Variants in MMS19 observed in about 807,000 individuals in gnomAD.
MMS19 encodes MMS19 nucleotide excision repair protein homolog.
Under a neutral mutation model 129.8 loss-of-function variants are expected in MMS19, and 77 were observed. The observed-to-expected ratio is 0.59, with a 90% CI of 0.49 to 0.72. The LOEUF (loss-of-function observed/expected upper bound fraction) is 0.72. Ranked by LOEUF, MMS19 falls within the 30% of genes least tolerant of loss-of-function variation. The pLI is 0.00. For missense variants in MMS19, 1,168 were observed against 1,266.3 expected (o/e 0.92, Z 1.18); for synonymous variants, 491 against 502.8 (o/e 0.98, Z 0.31).
intron 28 of MMS19, 22 bp downstream of exon 28, chr10:97,459,340 G>A: frequency 6.2e-7 from 1 of 1,610,034 alleles, no homozygotes; most frequent in African/African-American, 1.3e-5. Flanking sequence ...TGGTGCCTAA[G>A]AGTTGCTGGG....
chr10:97,461,162 A>G (rs895450855), intron 23 of MMS19, 155 bp from the exon 24 acceptor site: 4 of 647,964 alleles, frequency 6.2e-6, no homozygotes, highest in Non-Finnish European at 1.1e-5. Context: ...CACCTGCATA[A>G]GAGCCTGGTA....
At chr10:97,459,618 A>T in intron 27 of MMS19, 41 bp downstream of exon 27, 1 of 1,600,636 alleles carries the variant, frequency 6.2e-7, no homozygotes. Context: ...GGGGAAGAAT[A>T]GCTTTGTCCT....
At chr10:97,483,154 G>A (rs1479973634) in intron 2 of MMS19, among the ~76,000 whole-genome samples, 1 of 151,638 alleles carries the variant, frequency 6.6e-6, no homozygotes, top group Non-Finnish European at 1.5e-5. Flanking sequence ...CCAGACTCCA[G>A]TGATCCTCCC....
At chr10:97,472,867 A>G (rs1388263583) in intron 8 of MMS19, among the ~76,000 whole-genome samples, 1 of 152,016 alleles carries the variant, frequency 6.6e-6, no homozygotes, top group African/African-American at 2.4e-5. Context: ...TCAGCCTCCC[A>G]AAGTAGCGGG....
upstream of MMS19, chr10:97,498,519 G>T (rs2040239355): frequency 1.5e-6 from 2 of 1,320,748 alleles, no homozygotes; most frequent in South Asian, 1.4e-5. Context: ...GCCGGCTTCT[G>T]CCTAGGCAGT....
chr10:97,480,106 G>T (rs189619664), intron 3 of MMS19: 2 of 358,402 alleles, frequency 5.6e-6, no homozygotes, highest in East Asian at 7.7e-5. Flanking sequence ...ATGGTGCCCT[G>T]CATTTGCATA....
In MMS19 at chr10:97,487,318, C is replaced by CTTT. The variant is rs201462938; in HGVS notation, c.113-3170_113-3168dup. 5.0e-3 allele frequency among the ~76,000 whole-genome samples: 692 copies of CTTT among 137,636 alleles called. 8 individuals are homozygous for CTTT. Among genetic ancestry groups the CTTT allele is most frequent in the East Asian group, 0.016 (77 of 4,872 alleles). 90.3% of individuals were successfully genotyped at this position (137,636 alleles called of 152,430 possible). ...ATGTTTTTTAAATATGAGAAAATTT[C>CTTT]TTTTTTTTTTTTTTTTTTGAGACAG... On this transcript the variant is annotated intron_variant, in intron 1 of 30. Transcript: ENST00000438925.
intron 2 of MMS19, among the ~76,000 whole-genome samples, chr10:97,482,706 CTGTGTG>C (rs369393413): frequency 0.022 from 2,835 of 131,834 alleles, 42 homozygotes; most frequent in Middle Eastern, 0.075. Context: ...ATCAATAAGG[CTGTGTG>C]TGTGTGTGTG....
chr10:97,474,665 A>G (rs1028172108), intron 8 of MMS19, among the ~76,000 whole-genome samples: 3 of 152,254 alleles, frequency 2.0e-5, no homozygotes, highest in African/African-American at 4.8e-5. Flanking sequence ...GTTTTAATTA[A>G]TATCTTGATA....
In MMS19 at chr10:97,474,090, CT is replaced by C. The variant is rs2035291466; in HGVS notation, c.684+2592del. 1.1e-4 allele frequency among the ~76,000 whole-genome samples: 16 copies of C among 147,134 alleles called. No individual in the cohort carries two copies. The Admixed American group carries it at 1.1e-3, about 10-fold the overall frequency. ...GTACCAGAGTCCAGAGAGGTGGAGGCTGCAGTGAGCTGTGATGGTGCCACTA... is the reference window on the plus strand; with the variant it reads ...GTACCAGAGTCCAGAGAGGTGGAGGCGCAGTGAGCTGTGATGGTGCCACTA... On this transcript the variant is annotated intron_variant, in intron 8 of 30. Coordinates refer to ENST00000438925, the MANE Select transcript of MMS19 (RefSeq NM_022362.5).
chr10:97,479,369 G>T (rs552015037), intron 3 of MMS19, among the ~76,000 whole-genome samples: 12 of 152,106 alleles, frequency 7.9e-5, no homozygotes, highest in Admixed American at 7.9e-4. Flanking sequence ...CGCCATTCTT[G>T]TGAGGACCCT....
rs1185738841 is a variant in MMS19 at position 97,459,671 on chromosome 10, T to C, written c.2727A>G (p.Pro909=). Residue 909 remains proline (P), a synonymous_variant, in exon 27 of 31, where the codon CCA becomes CCG. Coordinates refer to ENST00000438925, the MANE Select transcript of MMS19 (RefSeq NM_022362.5). ...LNRLPKPVLL[P]ELPTLLSLLL... ...CTGTGGGACTTACCGTGGGCAGCTC[T>C]GGCAAGAGTACAGGCTTGGGCAGCC... 1.2e-6 allele frequency: 2 copies of C among 1,612,316 alleles called. No individual in the cohort carries two copies. The highest frequency in any genetic ancestry group is 3.3e-5 in the Admixed American group (2 of 59,752).
At chr10:97,480,150 G>T in intron 3 of MMS19, 1 of 372,568 alleles carries the variant, frequency 2.7e-6, no homozygotes, top group African/African-American at 2.1e-5. Flanking sequence ...CAGCTTTTTT[G>T]CCGGCTATGT....
rs1240641479 is a variant in MMS19, at chr10:97,477,099, A to T, written c.494-136T>A. 3 of 1,521,290 alleles carry T rather than the reference A, an allele frequency of 2.0e-6. No homozygotes were observed. The East Asian group carries it at 6.8e-5, about 34-fold the overall frequency. The allele number at this position is 1,521,290 out of a possible 1,614,324, so 94.2% of individuals were successfully genotyped here. Reference sequence around the variant, plus strand: ...GCTGACCCTTTTTCCATTCCAAGAAAGTACTCAGTGAAGAGATGTGCAACA... The same window carrying T: ...GCTGACCCTTTTTCCATTCCAAGAATGTACTCAGTGAAGAGATGTGCAACA... On this transcript the variant is annotated intron_variant, in intron 6 of 30. Transcript: ENST00000438925.
Position 97,498,330 on chromosome 10 carries a change from G to C in MMS19, c.55C>G (p.Leu19Val), listed in dbSNP as rs1328209303. The C allele has an allele frequency of 6.4e-7, 1 of 1,574,024 alleles. No individual in the cohort carries two copies. The highest frequency in any genetic ancestry group is 1.1e-5 in the South Asian group (1 of 87,440). The change falls in exon 1 of 31, where the codon CTC becomes GTC. Residue 19 changes from leucine to valine, a missense_variant. By Grantham distance (32) the Leu-to-Val change is conservative (BLOSUM62 1). This residue lies in a region of MMS19 where 329 missense variants were observed against 328.6 expected (regional missense o/e 1.00). Coordinates refer to ENST00000438925, the MANE Select transcript of MMS19 (RefSeq NM_022362.5). ...AAAPMGALWG[L>V]VHDFVVGQQE... is the part of the protein sequence containing the mutation. ...TGACCCACGACGAAGTCGTGCACGA[G>C]GCCCCATAGGGCACCCATAGGCGCC... is the stretch of plus-strand genomic sequence containing the variant.
At chr10:97,477,284 C>T (rs1159998258) in intron 6 of MMS19, 63 bp downstream of exon 6, 3 of 1,613,144 alleles carry the variant, frequency 1.9e-6, no homozygotes, top group Non-Finnish European at 2.5e-6. Context: ...ATGAGTCCTA[C>T]TAATAGGGGA....
chr10:97,492,850 C>T (rs1298229994), intron 1 of MMS19, among the ~76,000 whole-genome samples: 2 of 88,470 alleles, frequency 2.3e-5, no homozygotes, highest in South Asian at 4.9e-4. Context: ...CAGAGCAAGA[C>T]TTCATCTCCC....
At position 97,498,288 on chromosome 10, in the gene MMS19, C is replaced by G; in HGVS notation, c.97G>C (p.Asp33His). The G allele has an allele frequency of 1.3e-6, 2 of 1,568,450 alleles. No homozygotes were observed. Among genetic ancestry groups the G allele is most frequent in the Non-Finnish European group, 1.7e-6 (2 of 1,164,350 alleles). ...TCTGCCGTACCTGCAGCCACCTGGTCAGCGGGGCCCTCTTGCTGACCCACG... is the reference window on the plus strand; with the variant it reads ...TCTGCCGTACCTGCAGCCACCTGGTGAGCGGGGCCCTCTTGCTGACCCACG... ...FVVGQQEGPA[D>H]QVAADVKSGN... The change falls in exon 1 of 31, where the codon GAC (aspartate) becomes CAC (histidine). Residue 33 changes from aspartate (D) to histidine (H), a missense_variant. Coordinates refer to ENST00000438925, the MANE Select transcript of MMS19 (RefSeq NM_022362.5).
intron 1 of MMS19, among the ~76,000 whole-genome samples, chr10:97,495,226 T>C (rs1296520996): frequency 1.3e-5 from 2 of 152,048 alleles, no homozygotes; most frequent in African/African-American, 4.8e-5. Flanking sequence ...CAGGGAGCAG[T>C]GAGAAAAAAA....
Sources: allele counts gnomAD v4.1 joint callset (sites outside exome capture counted in the v4.1 genomes callset), GRCh38; gene constraint gnomAD v4.1.1; regional missense constraint gnomAD v4.1.1; transcripts MANE v1.5; gene names NCBI Gene and HGNC (gene_info 2026-07-23, HGNC 2026-07-21).